AGBL1: variants seen among roughly 807,000 people sequenced by gnomAD.
The protein encoded by AGBL1 is AGBL carboxypeptidase 1.
AGBL1 carries 130 observed loss-of-function variants against 118.9 expected under a neutral mutation model. That is an observed-to-expected ratio of 1.09 (90% CI 0.95 to 1.26). AGBL1 has a LOEUF of 1.26. Among genes scored for constraint, AGBL1 ranks in the 50% most tolerant of loss-of-function variants. The pLI, the probability that AGBL1 is intolerant of heterozygous loss-of-function variation, is 0.00. For missense variants in AGBL1, 1,584 were observed against 1,298.1 expected, an observed-to-expected ratio of 1.22 and a Z score of -3.38; for synonymous variants, 555 against 478.9, an observed-to-expected ratio of 1.16 and a Z score of -2.08.
At chr15:86,437,406 T>C (rs955195574) in intron 18 of AGBL1, among the ~76,000 whole-genome samples, 1 of 152,218 alleles carries the variant, frequency 6.6e-6, no homozygotes, top group Non-Finnish European at 1.5e-5. Flanking sequence ...CAGAGCTCCA[T>C]TATGTTACCA....
At chr15:87,010,334 A>C (rs2081545753) in intron 24 of AGBL1, among the ~76,000 whole-genome samples, 1 of 152,036 alleles carries the variant, frequency 6.6e-6, no homozygotes, top group African/African-American at 2.4e-5. Context: ...TTCTGCCATA[A>C]TTGTCAGGCC....
chr15:86,437,413 A>G (rs2082012249), intron 18 of AGBL1, among the ~76,000 whole-genome samples: 2 of 152,196 alleles, frequency 1.3e-5, no homozygotes, highest in Non-Finnish European at 2.9e-5. Flanking sequence ...CCATTATGTT[A>G]CCATTATGAG....
chr15:86,945,620 C>T (rs2080809919), intron 23 of AGBL1, among the ~76,000 whole-genome samples: 1 of 152,278 alleles, frequency 6.6e-6, no homozygotes, highest in African/African-American at 2.4e-5. Flanking sequence ...TTGCAGTGAG[C>T]TGAGATTGTG....
chr15:87,016,576 T>G, intron 24 of AGBL1, among the ~76,000 whole-genome samples: 1 of 152,288 alleles, frequency 6.6e-6, no homozygotes, highest in South Asian at 2.1e-4. Flanking sequence ...CAGCTACAGT[T>G]TGCAACACTC....
At chr15:86,940,419 G>A (rs1372197830) in intron 23 of AGBL1, among the ~76,000 whole-genome samples, 1 of 152,004 alleles carries the variant, frequency 6.6e-6, no homozygotes, top group African/African-American at 2.4e-5. Flanking sequence ...ATCTCTCTGA[G>A]TGATCAGGCA....
At chr15:86,145,279 T>C (rs1487887525) in intron 3 of AGBL1, among the ~76,000 whole-genome samples, 1 of 152,180 alleles carries the variant, frequency 6.6e-6, no homozygotes, top group East Asian at 1.9e-4. Flanking sequence ...CATTCCTAGT[T>C]GAAGGGAAGA....
intron 22 of AGBL1, among the ~76,000 whole-genome samples, chr15:86,788,597 G>A (rs1195304336): frequency 6.6e-6 from 1 of 152,176 alleles, no homozygotes; most frequent in East Asian, 1.9e-4. Context: ...TTTTAAAGAT[G>A]CGAGACGGTC....
At chr15:86,325,440 G>A (rs555829050) in intron 17 of AGBL1, among the ~76,000 whole-genome samples, 4 of 152,190 alleles carry the variant, frequency 2.6e-5, no homozygotes, top group Non-Finnish European at 5.9e-5. Context: ...TGGAGTTGGG[G>A]AATGCAGTTC....
At chr15:86,528,098 G>A (rs964378831) in intron 19 of AGBL1, among the ~76,000 whole-genome samples, 1 of 152,162 alleles carries the variant, frequency 6.6e-6, no homozygotes, top group Non-Finnish European at 1.5e-5. Flanking sequence ...TTTTCTGGGG[G>A]GAGGAGCCAA....
intron 17 of AGBL1, among the ~76,000 whole-genome samples, chr15:86,370,374 G>A (rs781539890): frequency 1.1e-4 from 16 of 146,990 alleles, no homozygotes; most frequent in Non-Finnish European, 1.9e-4. Context: ...GCATGATCTC[G>A]GCTCACTGCA....
At chr15:86,227,087 A>ATTT (rs1283959676) in intron 6 of AGBL1, among the ~76,000 whole-genome samples, 3 of 151,994 alleles carry the variant, frequency 2.0e-5, no homozygotes, top group African/African-American at 7.2e-5. Context: ...ATGATTTGTG[A>ATTT]TTTTTCCCAT....
chr15:86,710,505 A>T (rs2086537776), intron 22 of AGBL1, among the ~76,000 whole-genome samples: 1 of 152,190 alleles, frequency 6.6e-6, no homozygotes, highest in African/African-American at 2.4e-5. Context: ...GGAAAAGTGC[A>T]ATTTAATTGG....
intron 24 of AGBL1, among the ~76,000 whole-genome samples, chr15:87,007,895 T>C (rs951227381): frequency 2.6e-5 from 4 of 152,204 alleles, no homozygotes; most frequent in African/African-American, 9.6e-5. Context: ...GCCATGATAG[T>C]GGACTCCGAA....
intron 18 of AGBL1, among the ~76,000 whole-genome samples, chr15:86,475,872 T>C (rs1303462068): frequency 6.6e-6 from 1 of 152,170 alleles, no homozygotes; most frequent in Non-Finnish European, 1.5e-5. Flanking sequence ...TAACAGCGGA[T>C]CTCTCAGCAG....
intron 22 of AGBL1, among the ~76,000 whole-genome samples, chr15:86,891,743 C>G (rs1436315012): frequency 6.6e-6 from 1 of 152,124 alleles, no homozygotes; most frequent in African/African-American, 2.4e-5. Context: ...ATTTTGATAC[C>G]TATACGAATT....
chr15:86,221,394 TAGTTGTTTA>T (rs2078278448), intron 5 of AGBL1, among the ~76,000 whole-genome samples: 1 of 152,112 alleles, frequency 6.6e-6, no homozygotes, highest in African/African-American at 2.4e-5. Context: ...AATGCCTTCT[TAGTTGTTTA>T]AGTTTTAGCA....
intron 5 of AGBL1, among the ~76,000 whole-genome samples, chr15:86,195,311 A>T (rs1372641215): frequency 1.3e-5 from 2 of 152,096 alleles, no homozygotes; most frequent in Admixed American, 1.3e-4. Flanking sequence ...TGACTGGCTG[A>T]ATTTGCATAT....
chr15:86,420,558 C>G (rs1020938865), intron 18 of AGBL1, among the ~76,000 whole-genome samples: 9 of 152,142 alleles, frequency 5.9e-5, no homozygotes, highest in Non-Finnish European at 2.9e-5. Flanking sequence ...TGCCTCTTCT[C>G]CAAAACCTCA....
chr15:86,669,699 C>G (rs1166935578), intron 21 of AGBL1, among the ~76,000 whole-genome samples: 1 of 152,058 alleles, frequency 6.6e-6, no homozygotes, highest in Non-Finnish European at 1.5e-5. Context: ...AACATTTTTT[C>G]CAGGTAGCAA....
Sources: allele counts gnomAD v4.1 joint callset (sites outside exome capture counted in the v4.1 genomes callset), GRCh38; gene constraint gnomAD v4.1.1; transcripts MANE v1.5; gene names NCBI Gene and HGNC (gene_info 2026-07-23, HGNC 2026-07-21).